The following PRKCZ variants were observed in gnomAD, a reference collection of about 807,000 sequenced individuals.
PRKCZ encodes protein kinase C zeta, also known as protein kinase C zeta type.
Under a neutral mutation model 79.5 loss-of-function variants are expected in PRKCZ, and 33 were observed. The observed-to-expected ratio is 0.41, with a 90% CI of 0.31 to 0.55. The LOEUF (loss-of-function observed/expected upper bound fraction) is 0.55. Ranked by LOEUF, PRKCZ falls within the 20% of genes least tolerant of loss-of-function variation. PRKCZ has a pLI of 0.19. For missense variants in PRKCZ, 578 were observed against 813.5 expected, an observed-to-expected ratio of 0.71 and a Z score of 3.52; for synonymous variants, 342 against 320.9, an observed-to-expected ratio of 1.07 and a Z score of -0.70.
intron 4 of PRKCZ, among the ~76,000 whole-genome samples, chr1:2,102,526 G>A (rs1207138033): frequency 2.0e-5 from 3 of 151,870 alleles, no homozygotes; most frequent in Non-Finnish European, 2.9e-5. Flanking sequence ...TAGAGATGGG[G>A]TTTCACTGTG....
intron 9 of PRKCZ, among the ~76,000 whole-genome samples, chr1:2,155,466 A>G (rs62642593): frequency 6.6e-6 from 1 of 150,586 alleles, no homozygotes; most frequent in Non-Finnish European, 1.5e-5. Context: ...GGTGATGGTG[A>G]TGATGACGGT....
In PRKCZ at chr1:2,065,373, C is replaced by G. The variant is rs886233317; in HGVS notation, c.334+5782C>G. On this transcript the variant is annotated intron_variant, in intron 4 of 17. Coordinates refer to ENST00000378567, the MANE Select transcript of PRKCZ (RefSeq NM_002744.6). ...TTGTTCTGGCTAGAATTCCACTACT[C>G]TGTTGAATAAAAGTGGTGTGATCGG... Among the ~76,000 whole-genome samples the G allele has an allele frequency of 2.0e-5, 3 of 152,268 alleles. No individual in the cohort carries two copies. In the South Asian group the frequency reaches 6.2e-4, roughly 32 times the overall value.
chr1:2,152,306 G>A (rs180879546), intron 9 of PRKCZ, among the ~76,000 whole-genome samples: 1 of 152,268 alleles, frequency 6.6e-6, no homozygotes, highest in East Asian at 1.9e-4. Flanking sequence ...GCTGAGACAG[G>A]TGGATTACCT....
chr1:2,170,633 C>G (rs1367014686), intron 11 of PRKCZ, among the ~76,000 whole-genome samples: 1 of 152,212 alleles, frequency 6.6e-6, no homozygotes, highest in African/African-American at 2.4e-5. Context: ...GCCCATCAGA[C>G]ACTCCCTCCC....
intron 1 of PRKCZ, 46 bp downstream of exon 1, chr1:2,050,747 G>A: frequency 9.5e-7 from 1 of 1,052,046 alleles, no homozygotes. Context: ...AGGCAGGGAG[G>A]GCGGGGAGGG....
At chr1:2,142,576 C>T (rs988607525) in intron 5 of PRKCZ, 2 of 254,640 alleles carry the variant, frequency 7.9e-6, no homozygotes, top group East Asian at 1.4e-4. Flanking sequence ...GGGATGCCCC[C>T]TCTCACCCAT....
intron 9 of PRKCZ, among the ~76,000 whole-genome samples, chr1:2,155,291 AGTGGTGATGACAATG>A (rs1009840827): frequency 1.5e-4 from 20 of 132,206 alleles, no homozygotes; most frequent in African/African-American, 7.4e-4. Flanking sequence ...TGATGATGGT[AGTGGTGATGACAATG>A]GTGGTGATGA....
chr1:2,153,614 G>C (rs1374717727), intron 9 of PRKCZ, among the ~76,000 whole-genome samples: 2 of 152,246 alleles, frequency 1.3e-5, no homozygotes, highest in African/African-American at 2.4e-5. Flanking sequence ...GTGCCCTGCT[G>C]ACAGCCCCGC....
intron 4 of PRKCZ, among the ~76,000 whole-genome samples, chr1:2,084,407 C>A (rs1364375240): frequency 6.6e-6 from 1 of 152,354 alleles, no homozygotes; most frequent in Non-Finnish European, 1.5e-5. Flanking sequence ...CTTGCACTCG[C>A]GGCTCCCCTG....
chr1:2,089,762 A>G (rs908817372), intron 4 of PRKCZ, among the ~76,000 whole-genome samples: 1 of 152,122 alleles, frequency 6.6e-6, no homozygotes, highest in Non-Finnish European at 1.5e-5. Flanking sequence ...CGTACCACAG[A>G]TGGCGGCTCA....
Position 2,104,843 on chromosome 1 carries a change from G to A in PRKCZ, c.335-30419G>A, listed in dbSNP as rs368571267. The A allele has an allele frequency of 2.0e-5, 20 of 985,840 alleles. No homozygotes were observed. In the East Asian group the frequency reaches 6.8e-4, roughly 34 times the overall value. 61.1% of individuals were successfully genotyped at this position (985,840 alleles called of 1,614,324 possible). ...TTCCTCGCCGGGTGTTGCGGTGTGA[G>A]CGGGGACTGGTGAGTGTGTGCTGTC... On this transcript the variant is annotated intron_variant, in intron 4 of 17. Coordinates refer to ENST00000378567, the MANE Select transcript of PRKCZ (RefSeq NM_002744.6).
chr1:2,111,424 G>T (rs548083991), intron 4 of PRKCZ, among the ~76,000 whole-genome samples: 1 of 151,912 alleles, frequency 6.6e-6, no homozygotes, highest in East Asian at 1.9e-4. Flanking sequence ...GGCCAGAGGG[G>T]ATCACGCAAC....
At chr1:2,081,626 T>C (rs1410367110) in intron 4 of PRKCZ, among the ~76,000 whole-genome samples, 1 of 152,128 alleles carries the variant, frequency 6.6e-6, no homozygotes, top group African/African-American at 2.4e-5. Context: ...GTCACCACAC[T>C]GTGCCCGGAC....
At chr1:2,074,551 T>G in intron 4 of PRKCZ, 1 of 571,806 alleles carries the variant, frequency 1.7e-6, no homozygotes, top group Non-Finnish European at 3.1e-6. Context: ...CCAGGGCTGG[T>G]AGTGGTAACA....
At chr1:2,171,370 AT>A (rs564778926) in intron 11 of PRKCZ, among the ~76,000 whole-genome samples, 6,179 of 135,074 alleles carry the variant, frequency 0.046, 338 homozygotes, top group African/African-American at 0.14. Context: ...GTCATATTTA[AT>A]TTTTTTTTTT....
At chr1:2,096,558 G>A (rs977317675) in intron 4 of PRKCZ, among the ~76,000 whole-genome samples, 1 of 152,192 alleles carries the variant, frequency 6.6e-6, no homozygotes, top group African/African-American at 2.4e-5. Context: ...TGTGAGCAGT[G>A]CAGATGCTGT....
intron 4 of PRKCZ, among the ~76,000 whole-genome samples, chr1:2,124,469 G>A (rs528918137): frequency 1.3e-5 from 2 of 152,116 alleles, no homozygotes; most frequent in East Asian, 3.9e-4. Flanking sequence ...TAGGATGAGA[G>A]GATGAGACAC....
At chr1:2,083,454 A>G (rs1489081732) in intron 4 of PRKCZ, among the ~76,000 whole-genome samples, 1 of 152,256 alleles carries the variant, frequency 6.6e-6, no homozygotes, top group Non-Finnish European at 1.5e-5. Context: ...ATTAACTCTA[A>G]TTAATGTATG....
intron 7 of PRKCZ, among the ~76,000 whole-genome samples, chr1:2,148,387 C>T (rs1247758225): frequency 3.3e-5 from 5 of 152,168 alleles, no homozygotes; most frequent in African/African-American, 4.8e-5. Context: ...TGTCCACTGA[C>T]CTCTCCGTCT....
Sources: allele counts gnomAD v4.1 joint callset (sites outside exome capture counted in the v4.1 genomes callset), GRCh38; gene constraint gnomAD v4.1.1; transcripts MANE v1.5; gene names NCBI Gene and HGNC (gene_info 2026-07-23, HGNC 2026-07-21).